SLC29A3: variants seen among roughly 807,000 people sequenced by gnomAD.
SLC29A3 encodes the protein equilibrative nucleoside transporter 3.
SLC29A3 carries 18 observed loss-of-function variants against 25.4 expected under a neutral mutation model. That is an observed-to-expected ratio of 0.71 (90% CI 0.49 to 1.05). The LOEUF (loss-of-function observed/expected upper bound fraction) is 1.05, where lower values mean the gene tolerates loss of function less well. Ranked by LOEUF, SLC29A3 falls within the 50% of genes least tolerant of loss-of-function variation. The pLI, the probability that SLC29A3 is intolerant of heterozygous loss-of-function variation, is 0.00. For synonymous variants in SLC29A3, 258 were observed against 267.1 expected, an observed-to-expected ratio of 0.97 and a Z score of 0.33; for missense variants, 586 against 609.0, an observed-to-expected ratio of 0.96 and a Z score of 0.40.
rs912511592 is a variant in SLC29A3 at position 71,351,844 on chromosome 10, G to A, written c.610+56G>A. The A allele has an allele frequency of 4.7e-6, 7 of 1,492,650 alleles. No homozygotes were observed. In the Admixed American group the frequency reaches 1.1e-4, roughly 24 times the overall value. 92.5% of individuals were successfully genotyped at this position (1,492,650 alleles called of 1,614,324 possible). A position where few individuals can be genotyped will look rare whatever the true frequency, so the allele number is the denominator to read the frequency against. ...GTTCATCCACCCAGGAGTCATGGGA[G>A]GGAGCCAGAGATGAGCATGTGGTGG... On this transcript the variant is annotated intron_variant, in intron 4 of 5. Transcript: ENST00000373189.
intron 3 of SLC29A3, among the ~76,000 whole-genome samples, chr10:71,345,837 G>C (rs1033548270): frequency 1.3e-5 from 2 of 152,230 alleles, no homozygotes; most frequent in African/African-American, 4.8e-5. Context: ...CAGGAGGCGA[G>C]GAAGAGGGGA....
chr10:71,357,966 A>T (rs935869310), intron 5 of SLC29A3, among the ~76,000 whole-genome samples: 1 of 152,218 alleles, frequency 6.6e-6, no homozygotes, highest in Non-Finnish European at 1.5e-5. Flanking sequence ...GCCCTGTTCC[A>T]CAGGAAGCTA....
At chr10:71,374,762 C>A (rs925109592) in intron 3 of SLC29A3, among the ~76,000 whole-genome samples, 4 of 152,192 alleles carry the variant, frequency 2.6e-5, no homozygotes, top group African/African-American at 9.7e-5. Context: ...TTGCCGCTAG[C>A]GTGTCATTAT....
rs972532499 is a variant in SLC29A3, at chr10:71,355,994, G to A, written c.611-87G>A. ...TTCGCACGGAGGAATTTTTATTTTG[G>A]TTTGTGAAACCCAAGCAGGGAGGGG... On this transcript the variant is annotated intron_variant, in intron 4 of 5. Transcript: ENST00000373189. 4.6e-6 allele frequency: 7 copies of A among 1,514,202 alleles called. No homozygotes were observed. In the African/African-American group the frequency reaches 6.9e-5, roughly 15 times the overall value. The allele number at this position is 1,514,202 out of a possible 1,614,324, so 93.8% of individuals were successfully genotyped here.
intron 2 of SLC29A3, among the ~76,000 whole-genome samples, chr10:71,338,195 C>T (rs1449955800): frequency 2.6e-5 from 4 of 152,236 alleles, no homozygotes; most frequent in East Asian, 1.9e-4. Context: ...CAGAGTAAGG[C>T]GAGAGCTTGG....
chr10:71,352,024 A>G (rs556056595), intron 4 of SLC29A3, among the ~76,000 whole-genome samples: 6 of 152,364 alleles, frequency 3.9e-5, no homozygotes, highest in Admixed American at 2.0e-4. Context: ...ATCAGCCAGC[A>G]TAGCTCGACG....
chr10:71,331,667 G>T (rs1846120901), intron 2 of SLC29A3, among the ~76,000 whole-genome samples: 2 of 152,202 alleles, frequency 1.3e-5, no homozygotes, highest in Non-Finnish European at 2.9e-5. Context: ...CCCATCAAAT[G>T]AATTTCATAT....
At chr10:71,359,881 A>G (rs1449948050) in intron 5 of SLC29A3, among the ~76,000 whole-genome samples, 1 of 152,192 alleles carries the variant, frequency 6.6e-6, no homozygotes, top group Admixed American at 6.5e-5. Context: ...GTTTTCAGAT[A>G]CCTGGGACCC....
At chr10:71,376,313 G>T (rs1241938864) in intron 4 of SLC29A3, among the ~76,000 whole-genome samples, 7 of 152,206 alleles carry the variant, frequency 4.6e-5, no homozygotes, top group Non-Finnish European at 1.0e-4. Flanking sequence ...ACATCCTCTT[G>T]TCAATCCTCA....
In SLC29A3 at chr10:71,355,689, AGAG is replaced by A. The variant is rs138624261; in HGVS notation, c.611-390_611-388del. Among the ~76,000 whole-genome samples, 210 of 152,322 alleles carry A rather than the reference AGAG, an allele frequency of 1.4e-3. 1 individual carries two copies. Among genetic ancestry groups the A allele is most frequent in the African/African-American group, 4.9e-3 (202 of 41,568 alleles). On this transcript the variant is annotated intron_variant, in intron 4 of 5. Transcript: ENST00000373189. ...GCCGGGGGCAGAGAAGAGGAAATCCAGAGGTCTCTGGCACTTCCTGCCCCTAAA... is the reference window on the plus strand; with the variant it reads ...GCCGGGGGCAGAGAAGAGGAAATCCAGTCTCTGGCACTTCCTGCCCCTAAA...
At chr10:71,352,040 C>T (rs192476238) in intron 4 of SLC29A3, among the ~76,000 whole-genome samples, 4 of 152,292 alleles carry the variant, frequency 2.6e-5, no homozygotes, top group East Asian at 3.9e-4. Context: ...CGACGGGGAG[C>T]GGAGGATCCA....
At chr10:71,351,895 G>A (rs1366008230) in intron 4 of SLC29A3, 107 bp downstream of exon 4, 1 of 955,540 alleles carries the variant, frequency 1.0e-6, no homozygotes. Context: ...AAATGGCATG[G>A]GTGCTGATTG....
At chr10:71,345,331 C>T (rs1271445795) in intron 3 of SLC29A3, among the ~76,000 whole-genome samples, 3 of 152,194 alleles carry the variant, frequency 2.0e-5, no homozygotes, top group Admixed American at 6.5e-5. Context: ...CAGATGGCAG[C>T]TGGAGCTGCA....
At chr10:71,378,527 G>A (rs1323356493) in intron 4 of SLC29A3, among the ~76,000 whole-genome samples, 1 of 152,228 alleles carries the variant, frequency 6.6e-6, no homozygotes, top group Non-Finnish European at 1.5e-5. Flanking sequence ...TCCCTCAAGT[G>A]AGATCATGCT....
At chr10:71,330,485 G>A (rs1846092502) in intron 2 of SLC29A3, among the ~76,000 whole-genome samples, 1 of 152,250 alleles carries the variant, frequency 6.6e-6, no homozygotes, top group Non-Finnish European at 1.5e-5. Context: ...GATTGGTCCT[G>A]TCTCATAGGA....
chr10:71,354,258 C>T (rs547220650), intron 4 of SLC29A3, among the ~76,000 whole-genome samples: 28 of 152,168 alleles, frequency 1.8e-4, no homozygotes, highest in Admixed American at 5.9e-4. Context: ...ATTATTAACA[C>T]CCCCATTGTA....
chr10:71,350,115 C>T (rs60462341), intron 3 of SLC29A3, among the ~76,000 whole-genome samples: 1,612 of 152,268 alleles, frequency 0.011, 29 homozygotes, highest in African/African-American at 0.037. Flanking sequence ...GGGTTCTCAT[C>T]CCAGCTCCCT....
chr10:71,325,915 C>CT (rs5786034), intron 2 of SLC29A3, among the ~76,000 whole-genome samples: 29,882 of 122,576 alleles, frequency 0.24, 5,174 homozygotes, highest in African/African-American at 0.47. Flanking sequence ...TATATTAGTA[C>CT]TTTTTTTTTT....
chr10:71,360,935 T>G (rs1010470184), intron 5 of SLC29A3, among the ~76,000 whole-genome samples: 3 of 152,250 alleles, frequency 2.0e-5, no homozygotes, highest in Non-Finnish European at 2.9e-5. Context: ...TTCATTTATG[T>G]TTCACAGTTA....
Sources: allele counts gnomAD v4.1 joint callset (sites outside exome capture counted in the v4.1 genomes callset), GRCh38; gene constraint gnomAD v4.1.1; transcripts MANE v1.5; gene names NCBI Gene and HGNC (gene_info 2026-07-23, HGNC 2026-07-21).